Variants in CEP170 observed in about 807,000 individuals in gnomAD.
CEP170 encodes centrosomal protein of 170 kDa.
A neutral mutation model predicts 151.9 loss-of-function variants in CEP170; 21 were observed. The observed-to-expected ratio is 0.14, with a 90% CI of 0.10 to 0.20. The LOEUF (loss-of-function observed/expected upper bound fraction) is 0.20. Ranked by LOEUF, CEP170 falls within the 10% of genes least tolerant of loss-of-function variation. CEP170 has a pLI of 1.00. For missense variants in CEP170, 964 were observed against 1,892.9 expected, an observed-to-expected ratio of 0.51 and a Z score of 9.11; for synonymous variants, 356 against 648.8, an observed-to-expected ratio of 0.55 and a Z score of 6.86.
chr1:243,175,171 C>G (rs1156897530), intron 10 of CEP170: 1 of 152,186 alleles, frequency 6.6e-6, no homozygotes, highest in Non-Finnish European at 1.5e-5. Context: ...CTCTCTAAAT[C>G]ACTTCTGACA....
At chr1:243,248,823 A>C (rs531349044) in intron 1 of CEP170, among the ~76,000 whole-genome samples, 36 of 152,264 alleles carry the variant, frequency 2.4e-4, no homozygotes, top group African/African-American at 8.4e-4. Flanking sequence ...CAATGAATAA[A>C]ATCTCTATGC....
chr1:243,198,860 AAATT>A (rs2060831262), intron 7 of CEP170, among the ~76,000 whole-genome samples, 196 bp downstream of exon 7: 1 of 151,448 alleles, frequency 6.6e-6, no homozygotes, highest in Non-Finnish European at 1.5e-5. Context: ...AAAGATATTA[AAATT>A]AATACTTTAC....
intron 1 of CEP170, among the ~76,000 whole-genome samples, chr1:243,254,792 G>T (rs2066440255): frequency 1.3e-5 from 2 of 150,322 alleles, no homozygotes; most frequent in Admixed American, 6.6e-5. Flanking sequence ...GCTCCGGGGG[G>T]CGGCGGGTGG....
chr1:243,151,805 T>C (rs888522111), intron 14 of CEP170, among the ~76,000 whole-genome samples: 5 of 152,224 alleles, frequency 3.3e-5, no homozygotes, highest in African/African-American at 9.6e-5. Flanking sequence ...AGATGCCATC[T>C]AGGACTTTCA....
intron 11 of CEP170, among the ~76,000 whole-genome samples, chr1:243,171,757 T>C (rs1179558536): frequency 1.3e-5 from 2 of 152,246 alleles, no homozygotes; most frequent in East Asian, 3.8e-4. Flanking sequence ...CTGGATGCTT[T>C]ATATACTTCA....
intron 10 of CEP170, among the ~76,000 whole-genome samples, chr1:243,184,135 A>C (rs1204730294): frequency 6.6e-6 from 1 of 152,134 alleles, no homozygotes; most frequent in Admixed American, 6.5e-5. Flanking sequence ...AGCAACACTT[A>C]TAAAGCAATA....
chr1:243,145,083 A>C (rs2056309401), intron 14 of CEP170, among the ~76,000 whole-genome samples: 1 of 152,172 alleles, frequency 6.6e-6, no homozygotes, highest in South Asian at 2.1e-4. Flanking sequence ...GGAAAAAATA[A>C]TTGTACATTT....
chr1:243,242,200 C>T (rs1026720836), intron 1 of CEP170, among the ~76,000 whole-genome samples: 1 of 151,966 alleles, frequency 6.6e-6, no homozygotes, highest in Admixed American at 6.6e-5. Flanking sequence ...GAAAAGGTGC[C>T]AGATTCTAGT....
chr1:243,172,405 C>T (rs575178433), intron 11 of CEP170, among the ~76,000 whole-genome samples: 3 of 152,266 alleles, frequency 2.0e-5, no homozygotes, highest in African/African-American at 4.8e-5. Flanking sequence ...GAGGCTGAGG[C>T]GGGTGGATCA....
intron 4 of CEP170, among the ~76,000 whole-genome samples, chr1:243,207,519 A>G (rs1351301229): frequency 6.6e-6 from 1 of 152,134 alleles, no homozygotes; most frequent in African/African-American, 2.4e-5. Flanking sequence ...CTGAACACCC[A>G]CCAAGCCAAC....
chr1:243,187,413 G>A (rs552539221), intron 8 of CEP170, among the ~76,000 whole-genome samples: 20 of 152,226 alleles, frequency 1.3e-4, no homozygotes, highest in African/African-American at 4.3e-4. Context: ...TATTATTATA[G>A]CATGAAATTA....
chr1:243,149,838 T>C (rs192369539), intron 14 of CEP170, among the ~76,000 whole-genome samples: 1 of 152,162 alleles, frequency 6.6e-6, no homozygotes, highest in East Asian at 1.9e-4. Context: ...ATTAAATTGG[T>C]TCCTACCAAC....
rs545405523 is a variant in CEP170, at chr1:243,147,131, C to A, written c.3912-4668G>T. Among the ~76,000 whole-genome samples the A allele has an allele frequency of 4.1e-4, 62 of 152,220 alleles. 1 individual carries two copies. The East Asian group carries it at 0.01, about 25-fold the overall frequency. On this transcript the variant is annotated intron_variant, in intron 14 of 19. Transcript: ENST00000366542. Reference sequence around the variant, plus strand: ...ACTACACTGCCTACAAATAAAAATACAGTATTTTTATTAGTATATAAAAAA... The same window carrying A: ...ACTACACTGCCTACAAATAAAAATAAAGTATTTTTATTAGTATATAAAAAA...
intron 1 of CEP170, among the ~76,000 whole-genome samples, chr1:243,235,825 A>G (rs2064197435): frequency 6.6e-6 from 1 of 152,222 alleles, no homozygotes; most frequent in African/African-American, 2.4e-5. Context: ...GATTTAATTA[A>G]AGATTTCTTC....
In CEP170 at chr1:243,186,369, T is replaced by C; in HGVS notation, c.1162A>G (p.Arg388Gly). The C allele has an allele frequency of 6.2e-7, 1 of 1,613,428 alleles. No homozygotes were observed. Among genetic ancestry groups the C allele is most frequent in the Non-Finnish European group, 8.5e-7 (1 of 1,179,596 alleles). Residue 388 changes from arginine to glycine, a missense_variant, in exon 9 of 20, where the codon AGG (arginine) becomes GGG (glycine). Arg to Gly is a moderately radical substitution (Grantham distance 125). Coordinates refer to ENST00000366542, the MANE Select transcript of CEP170 (RefSeq NM_014812.3). ...QSDSENAGAH[R>G]RCSKRATLEE... ...AGAGTTGCACGTTTGCTACAGCGCC[T>C]GTGAGCCCCAGCGTTCTCTGAATCA...
At chr1:243,226,192 TATCTAG>T (rs1176958489) in intron 1 of CEP170, among the ~76,000 whole-genome samples, 2 of 21,784 alleles carry the variant, frequency 9.2e-5, no homozygotes, top group African/African-American at 2.4e-4. Context: ...TAGATATATA[TATCTAG>T]ATATATATAT....
At chr1:243,127,623 T>G (rs1168346662) in intron 19 of CEP170, among the ~76,000 whole-genome samples, 6 of 152,196 alleles carry the variant, frequency 3.9e-5, no homozygotes, top group African/African-American at 1.2e-4. Context: ...TCCACATAAG[T>G]ACCTATGATT....
intron 4 of CEP170, among the ~76,000 whole-genome samples, chr1:243,202,647 C>T (rs1194186703): frequency 6.6e-6 from 1 of 152,008 alleles, no homozygotes; most frequent in African/African-American, 2.4e-5. Context: ...AAATTGCTTT[C>T]TATCTGATGT....
At chr1:243,239,557 A>G (rs2064615364) in intron 1 of CEP170, among the ~76,000 whole-genome samples, 1 of 152,210 alleles carries the variant, frequency 6.6e-6, no homozygotes, top group Non-Finnish European at 1.5e-5. Context: ...AGTTTTGAGT[A>G]AAAAGCCCTG....
Sources: gnomAD v4.1 joint callset for allele counts (sites outside exome capture counted in the v4.1 genomes callset) on GRCh38, gnomAD v4.1.1 for gene constraint, MANE v1.5 for transcripts, NCBI Gene and HGNC (gene_info 2026-07-23, HGNC 2026-07-21) for gene names.